Variants in WWOX observed in about 807,000 individuals in gnomAD.
WWOX encodes the protein WW domain containing oxidoreductase, also known as WW domain-containing oxidoreductase.
Under a neutral mutation model 46.2 loss-of-function variants are expected in WWOX, and 69 were observed. The observed-to-expected ratio is 1.49, with a 90% CI of 1.23 to 1.82. WWOX has a LOEUF of 1.82. Among genes scored for constraint, WWOX ranks in the 40% most tolerant of loss-of-function variants. The pLI is 0.00. For synonymous variants in WWOX, 359 were observed against 202.6 expected, an observed-to-expected ratio of 1.77 and a Z score of -6.56; for missense variants, 919 against 542.6, an observed-to-expected ratio of 1.69 and a Z score of -6.89.
At chr16:78,809,472 G>C (rs373280252) in intron 8 of WWOX, among the ~76,000 whole-genome samples, 1 of 152,116 alleles carries the variant, frequency 6.6e-6, no homozygotes, top group African/African-American at 2.4e-5. Context: ...TAATATTAAA[G>C]TTGAAGCCCA....
chr16:79,178,095 C>T (rs952758798), intron 8 of WWOX, among the ~76,000 whole-genome samples: 1 of 152,092 alleles, frequency 6.6e-6, no homozygotes, highest in African/African-American at 2.4e-5. Flanking sequence ...CTTTCAAAGG[C>T]CCTATCTTCT....
At chr16:78,507,559 G>C (rs564811085) in intron 8 of WWOX, among the ~76,000 whole-genome samples, 1 of 152,210 alleles carries the variant, frequency 6.6e-6, no homozygotes, top group Admixed American at 6.5e-5. Context: ...TGTCCTATTA[G>C]GCATCTTATC....
At chr16:78,971,445 T>G (rs62036028) in intron 8 of WWOX, among the ~76,000 whole-genome samples, 2 of 62,688 alleles carry the variant, frequency 3.2e-5, no homozygotes, top group African/African-American at 1.6e-4. Flanking sequence ...ACAGACTCTG[T>G]GTCAAAAAAA....
rs182469062 is a variant in WWOX, at chr16:78,759,073, T to G, written c.1056+326321T>G. ...TTTTGTGGGTCAATATATTCCCACT[T>G]TTGATTTAAGGTAGTACAAGTTGTA... On this transcript the variant is annotated intron_variant, in intron 8 of 8. Coordinates refer to ENST00000566780, the MANE Select transcript of WWOX (RefSeq NM_016373.4). Among the ~76,000 whole-genome samples, 452 of 152,220 alleles carry G rather than the reference T, an allele frequency of 3.0e-3. 2 individuals are homozygous for G. Among genetic ancestry groups the G allele is most frequent in the African/African-American group, 0.01 (429 of 41,536 alleles).
chr16:79,210,236 C>T (rs542678878), intron 8 of WWOX, among the ~76,000 whole-genome samples: 1 of 152,170 alleles, frequency 6.6e-6, no homozygotes, highest in Non-Finnish European at 1.5e-5. Flanking sequence ...AAGCTAAAAC[C>T]AAACAACAAT....
At chr16:78,978,882 G>T (rs548901378) in intron 8 of WWOX, among the ~76,000 whole-genome samples, 2 of 152,076 alleles carry the variant, frequency 1.3e-5, no homozygotes, top group African/African-American at 4.8e-5. Flanking sequence ...ATGAGATTTC[G>T]GCGGGGACAC....
At chr16:78,693,268 C>G (rs575355010) in intron 8 of WWOX, among the ~76,000 whole-genome samples, 2 of 152,144 alleles carry the variant, frequency 1.3e-5, no homozygotes, top group African/African-American at 2.4e-5. Flanking sequence ...TTCTAGAGGT[C>G]TAGCCTACAA....
chr16:79,067,142 T>C (rs1466891170), intron 8 of WWOX, among the ~76,000 whole-genome samples: 1 of 152,240 alleles, frequency 6.6e-6, no homozygotes, highest in African/African-American at 2.4e-5. Flanking sequence ...AGGGCCTGTC[T>C]GGGGCTCCAG....
intron 8 of WWOX, among the ~76,000 whole-genome samples, chr16:79,087,408 GTT>G (rs2048873563): frequency 2.0e-5 from 3 of 152,244 alleles, no homozygotes; most frequent in Admixed American, 2.0e-4. Context: ...ACACCACTGT[GTT>G]TGAGAGTCAC....
chr16:78,386,036 C>T (rs1439939965), intron 5 of WWOX, among the ~76,000 whole-genome samples: 2 of 152,204 alleles, frequency 1.3e-5, no homozygotes, highest in South Asian at 2.1e-4. Flanking sequence ...CAAATCCCGA[C>T]CTCTCCAGTT....
At chr16:78,747,252 C>G (rs2049370192) in intron 8 of WWOX, among the ~76,000 whole-genome samples, 1 of 147,828 alleles carries the variant, frequency 6.8e-6, no homozygotes, top group Admixed American at 6.8e-5. Context: ...AGTGCAGTAG[C>G]ACGATCTCGG....
chr16:78,947,313 C>T (rs375481844), intron 8 of WWOX, among the ~76,000 whole-genome samples: 168 of 152,292 alleles, frequency 1.1e-3, no homozygotes, highest in African/African-American at 3.9e-3. Flanking sequence ...AAGGCAGGAA[C>T]GCTGTCATTA....
chr16:79,158,876 C>G (rs886728660), intron 8 of WWOX, among the ~76,000 whole-genome samples: 6 of 152,200 alleles, frequency 3.9e-5, no homozygotes, highest in Admixed American at 2.6e-4. Context: ...ACAACAAGGA[C>G]CTAGGTCATT....
At chr16:78,634,941 G>T (rs1473533634) in intron 8 of WWOX, among the ~76,000 whole-genome samples, 3 of 151,724 alleles carry the variant, frequency 2.0e-5, no homozygotes, top group African/African-American at 7.3e-5. Context: ...TGAACGAGGA[G>T]GAGGGAAAGG....
intron 8 of WWOX, among the ~76,000 whole-genome samples, chr16:78,892,774 GA>G (rs1349066029): frequency 6.6e-6 from 1 of 152,202 alleles, no homozygotes; most frequent in Non-Finnish European, 1.5e-5. Context: ...CTCTGTTGTA[GA>G]GTTTTGTTAG....
chr16:78,104,509 A>T lies in WWOX; in HGVS notation c.108-3914A>T, dbSNP rs189424792. Among the ~76,000 whole-genome samples the T allele has an allele frequency of 7.3e-3, 1,118 of 152,274 alleles. 7 individuals carry two copies. The highest frequency in any genetic ancestry group is 0.013 in the South Asian group (64 of 4,822). On this transcript the variant is annotated intron_variant, in intron 1 of 8. Coordinates refer to ENST00000566780, the MANE Select transcript of WWOX (RefSeq NM_016373.4). The stretch of plus-strand genomic sequence containing the variant: ...ACAGAATGAGACCTTGTCTAAAAAA[A>T]AATTAACAGAAAACACCCCATACGT...
chr16:78,297,831 A>G (rs1171471629), intron 5 of WWOX, among the ~76,000 whole-genome samples: 1 of 152,172 alleles, frequency 6.6e-6, no homozygotes, highest in Non-Finnish European at 1.5e-5. Flanking sequence ...GAAACTGTGC[A>G]GGAGTTCCAG....
chr16:78,723,618 T>TTTTC (rs2048751141), intron 8 of WWOX, among the ~76,000 whole-genome samples: 1 of 86,044 alleles, frequency 1.2e-5, no homozygotes, highest in African/African-American at 4.4e-5. Context: ...TTTTCTTTTC[T>TTTTC]TTTCTTTTCT....
chr16:79,082,430 C>T (rs1597357841), intron 8 of WWOX, among the ~76,000 whole-genome samples: 1 of 152,094 alleles, frequency 6.6e-6, no homozygotes, highest in Non-Finnish European at 1.5e-5. Flanking sequence ...GGTCACCTTC[C>T]CATGGCCAGG....
Sources: gnomAD v4.1 joint callset for allele counts (sites outside exome capture counted in the v4.1 genomes callset) on GRCh38, gnomAD v4.1.1 for gene constraint, MANE v1.5 for transcripts, NCBI Gene and HGNC (gene_info 2026-07-23, HGNC 2026-07-21) for gene names.